Variants in TEC observed in about 807,000 individuals in gnomAD.
TEC encodes the protein tyrosine-protein kinase Tec.
Under a neutral mutation model 93.0 loss-of-function variants are expected in TEC, and 72 were observed. The ratio of observed to expected loss-of-function variants is 0.77; its 90% CI spans 0.64 to 0.94. The LOEUF (loss-of-function observed/expected upper bound fraction) is 0.94. Among genes scored for constraint, TEC ranks in the 40% least tolerant of loss-of-function variants. The pLI, the probability that TEC is intolerant of heterozygous loss-of-function variation, is 0.00. For missense variants in TEC, 630 were observed against 757.9 expected, an observed-to-expected ratio of 0.83 and a Z score of 1.98; for synonymous variants, 249 against 247.7, an observed-to-expected ratio of 1.01 and a Z score of -0.05.
At chr4:48,153,229 AAAAG>A (rs1305410140) in intron 9 of TEC, among the ~76,000 whole-genome samples, 1 of 152,198 alleles carries the variant, frequency 6.6e-6, no homozygotes, top group Non-Finnish European at 1.5e-5. Flanking sequence ...CCAAAAAAAA[AAAAG>A]AAATACTTAA....
intron 7 of TEC, among the ~76,000 whole-genome samples, chr4:48,164,914 A>C (rs1035279223): frequency 6.6e-6 from 1 of 152,164 alleles, no homozygotes; most frequent in African/African-American, 2.4e-5. Flanking sequence ...GAGGCACAAG[A>C]ATCACTTGAA....
chr4:48,268,638 A>T (rs747749473), intron 1 of TEC, among the ~76,000 whole-genome samples: 1 of 152,208 alleles, frequency 6.6e-6, no homozygotes, highest in Non-Finnish European at 1.5e-5. Flanking sequence ...TTAAATCCCA[A>T]ACTTTATTTG....
chr4:48,167,905 C>A lies in TEC; in HGVS notation c.544G>T (p.Glu182Ter). 6.2e-7 allele frequency: 1 copy of A among 1,613,840 alleles called. No homozygotes were observed. Among genetic ancestry groups the A allele is most frequent in the Non-Finnish European group, 8.5e-7 (1 of 1,179,894 alleles). The change falls in exon 7 of 18, where the codon GAA (glutamate) becomes TAA (stop). Residue 182 changes from glutamate (E) to a stop codon, truncating the protein, a stop_gained. Transcript: ENST00000381501. LOFTEE classifies it high-confidence loss of function. Reference protein sequence around the residue: ...IPLEEEDNSEEIVVAMYDFQA... With the variant: ...IPLEEEDNSE ...AAATCATACATGGCTACAACGATTT[C>A]TTCACTATTATCTTCTTCTTCTAGT...
At chr4:48,166,647 A>G (rs1720883254) in intron 7 of TEC, among the ~76,000 whole-genome samples, 1 of 152,062 alleles carries the variant, frequency 6.6e-6, no homozygotes, top group Admixed American at 6.6e-5. Flanking sequence ...AAGCAAAAAG[A>G]GATTCTATTA....
chr4:48,197,659 C>T lies in TEC; in HGVS notation c.139-21473G>A, dbSNP rs1434284993. Among the ~76,000 whole-genome samples the T allele has an allele frequency of 2.0e-5, 3 of 152,178 alleles. No homozygotes were observed. In the East Asian group the frequency reaches 5.8e-4, roughly 29 times the overall value. ...GGAAAGCTGTACAAACCTTGTTATA[C>T]TAGTCCTTATCTTGCTACTTTTCCA... On this transcript the variant is annotated intron_variant, in intron 2 of 17. Transcript: ENST00000381501.
chr4:48,198,781 AAGT>A (rs1722391326), intron 2 of TEC, among the ~76,000 whole-genome samples: 1 of 152,206 alleles, frequency 6.6e-6, no homozygotes, highest in African/African-American at 2.4e-5. Context: ...CACACAATAG[AAGT>A]ATATTTAAAT....
chr4:48,261,842 C>A (rs893144908), intron 1 of TEC, among the ~76,000 whole-genome samples: 3 of 151,998 alleles, frequency 2.0e-5, no homozygotes, highest in Non-Finnish European at 4.4e-5. Context: ...TTGTAGAAAT[C>A]CAAACAAAAG....
intron 15 of TEC, among the ~76,000 whole-genome samples, chr4:48,140,642 C>T (rs191443290): frequency 7.2e-5 from 11 of 152,292 alleles, no homozygotes; most frequent in South Asian, 2.1e-4. Context: ...AATGAATGAG[C>T]GAGGCTGTGT....
chr4:48,215,279 G>T (rs748405027), intron 2 of TEC, among the ~76,000 whole-genome samples: 4 of 152,184 alleles, frequency 2.6e-5, no homozygotes, highest in Admixed American at 1.3e-4. Context: ...GGCTGAGGTG[G>T]GTGGATCATT....
At chr4:48,256,761 C>T (rs1452690414) in intron 1 of TEC, among the ~76,000 whole-genome samples, 1 of 152,054 alleles carries the variant, frequency 6.6e-6, no homozygotes, top group African/African-American at 2.4e-5. Flanking sequence ...GTATAACCTG[C>T]ACATTATATA....
intron 8 of TEC, among the ~76,000 whole-genome samples, chr4:48,157,030 A>G (rs967538411): frequency 6.6e-6 from 1 of 152,234 alleles, no homozygotes; most frequent in Non-Finnish European, 1.5e-5. Context: ...ACATTATAGG[A>G]TATTTTTGCA....
chr4:48,245,495 A>G (rs1001497011), intron 1 of TEC, among the ~76,000 whole-genome samples: 2 of 152,226 alleles, frequency 1.3e-5, no homozygotes, highest in African/African-American at 4.8e-5. Context: ...AATTTCATTA[A>G]GTAAGTTTAT....
chr4:48,197,529 T>G (rs1447703368), intron 2 of TEC, among the ~76,000 whole-genome samples: 1 of 152,188 alleles, frequency 6.6e-6, no homozygotes, highest in African/African-American at 2.4e-5. Flanking sequence ...TTCCTTGTTC[T>G]TCTTGAAAGC....
intron 2 of TEC, among the ~76,000 whole-genome samples, chr4:48,203,348 G>A (rs1191153166): frequency 1.4e-5 from 2 of 143,300 alleles, no homozygotes; most frequent in African/African-American, 2.5e-5. Flanking sequence ...CTGGGTGACA[G>A]AGCAAGACTC....
At chr4:48,262,642 G>A (rs1724527493) in intron 1 of TEC, among the ~76,000 whole-genome samples, 1 of 152,172 alleles carries the variant, frequency 6.6e-6, no homozygotes, top group African/African-American at 2.4e-5. Flanking sequence ...TATACTGCCT[G>A]GAAAAGGGAG....
chr4:48,212,098 C>CAAAAAAAAAAA (rs59441112), intron 2 of TEC, among the ~76,000 whole-genome samples: 45 of 86,496 alleles, frequency 5.2e-4, no homozygotes, highest in East Asian at 2.6e-3. Flanking sequence ...GACTCTGTCT[C>CAAAAAAAAAAA]AAAAAAAAAA....
Position 48,163,768 on chromosome 4 carries a change from C to T in TEC, c.672-1G>A. 1 of 1,465,436 alleles carries T rather than the reference C, an allele frequency of 6.8e-7. No individual in the cohort carries two copies. The allele number at this position is 1,465,436 out of a possible 1,614,324, so 90.8% of individuals were successfully genotyped here. On this transcript the variant is annotated splice_acceptor_variant, in intron 7 of 17. Coordinates refer to ENST00000381501, the MANE Select transcript of TEC (RefSeq NM_003215.3). LOFTEE classifies it high-confidence loss of function. The stretch of plus-strand genomic sequence containing the variant: ...ATTACTTGGGATATATCCTTCATTC[C>T]TAGAAATAAGAAAAATACTTTAGGT...
At chr4:48,228,774 G>T in intron 1 of TEC, 115 bp from the exon 2 acceptor site, 1 of 816,124 alleles carries the variant, frequency 1.2e-6, no homozygotes, top group Non-Finnish European at 1.8e-6. Context: ...GATGAGTATT[G>T]ATCTCTGTGC....
chr4:48,145,175 T>A lies in TEC; in HGVS notation c.1374A>T (p.Gln458His), dbSNP rs374511784. ...GCAGTACGTCTCTACTGAAATGACC[T>A]TGTCTCTGTCGGAGGAAATTCAGAA... Reference protein sequence around the residue: ...GCLLNFLRQRQGHFSRDVLLS... With the variant: ...GCLLNFLRQRHGHFSRDVLLS... The change falls in exon 14 of 18, where the codon CAA (glutamine) becomes CAT (histidine). Residue 458 changes from glutamine (Q) to histidine (H), a missense_variant. Coordinates refer to ENST00000381501, the MANE Select transcript of TEC (RefSeq NM_003215.3). The A allele has an allele frequency of 1.9e-5, 31 of 1,614,018 alleles. No individual in the cohort carries two copies. In the African/African-American group the frequency reaches 3.2e-4, roughly 17 times the overall value.
Sources: allele counts gnomAD v4.1 joint callset (sites outside exome capture counted in the v4.1 genomes callset), GRCh38; gene constraint gnomAD v4.1.1; transcripts MANE v1.5; gene names NCBI Gene and HGNC (gene_info 2026-07-23, HGNC 2026-07-21).